CNTN6: variants seen among roughly 807,000 people sequenced by gnomAD.
CNTN6 encodes the protein contactin-6.
CNTN6 carries 137 observed loss-of-function variants against 122.8 expected under a neutral mutation model. The ratio of observed to expected loss-of-function variants is 1.12; its 90% CI spans 0.97 to 1.29. The LOEUF (loss-of-function observed/expected upper bound fraction) is 1.29, where lower values mean the gene tolerates loss of function less well. Among genes scored for constraint, CNTN6 ranks in the 50% most tolerant of loss-of-function variants. The pLI is 0.00. For missense variants in CNTN6, 1,634 were observed against 1,223.4 expected (o/e 1.34, Z -5.01); for synonymous variants, 570 against 426.0 (o/e 1.34, Z -4.16).
At chr3:1,285,834 G>C (rs1390326682) in intron 5 of CNTN6, among the ~76,000 whole-genome samples, 1 of 152,134 alleles carries the variant, frequency 6.6e-6, no homozygotes, top group African/African-American at 2.4e-5. Flanking sequence ...AATACAAGGA[G>C]ATAACAAGAG....
At chr3:1,396,195 C>T (rs1185313261) in intron 20 of CNTN6, among the ~76,000 whole-genome samples, 1 of 152,168 alleles carries the variant, frequency 6.6e-6, no homozygotes, top group Admixed American at 6.5e-5. Flanking sequence ...CCTCTTCTAG[C>T]CCTGACATCT....
intron 1 of CNTN6, among the ~76,000 whole-genome samples, chr3:1,125,331 T>G (rs1355456479): frequency 7.2e-5 from 11 of 151,930 alleles, no homozygotes; most frequent in African/African-American, 2.7e-4. Flanking sequence ...AACTAAATCT[T>G]GAATAAATTA....
intron 2 of CNTN6, among the ~76,000 whole-genome samples, chr3:1,202,563 TAAA>T (rs2093899169): frequency 1.4e-5 from 1 of 74,000 alleles, no homozygotes; most frequent in Non-Finnish European, 2.8e-5. Context: ...AATAAATAAA[TAAA>T]TAAATAAATA....
intron 12 of CNTN6, 128 bp from the exon 13 acceptor site, chr3:1,372,171 G>C (rs1341137518): frequency 1.7e-6 from 1 of 571,988 alleles, no homozygotes; most frequent in Non-Finnish European, 2.9e-6. Context: ...ATTTCATACT[G>C]GACATTGTAG....
At chr3:1,360,212 G>A (rs114796346) in intron 12 of CNTN6, among the ~76,000 whole-genome samples, 251 of 152,142 alleles carry the variant, frequency 1.6e-3, no homozygotes, top group African/African-American at 5.7e-3. Context: ...ATTTTGAGCC[G>A]TTACTGTGCT....
At chr3:1,384,159 A>G (rs1189793566) in intron 19 of CNTN6, among the ~76,000 whole-genome samples, 1 of 152,362 alleles carries the variant, frequency 6.6e-6, no homozygotes, top group East Asian at 1.9e-4. Flanking sequence ...GTGCACACAG[A>G]GTCAACAATT....
Position 1,315,720 on chromosome 3 carries a change from A to C in CNTN6, c.762-5930A>C, listed in dbSNP as rs1362119454. Reference sequence around the variant, plus strand: ...GGTACTAGATGATTAACCACGTTAAAGAAAAAGGTCCTCCACACCCACACA... The same window carrying C: ...GGTACTAGATGATTAACCACGTTAACGAAAAAGGTCCTCCACACCCACACA... On this transcript the variant is annotated intron_variant, in intron 7 of 22. Transcript: ENST00000446702. 2.0e-5 allele frequency among the ~76,000 whole-genome samples: 3 copies of C among 151,940 alleles called. No homozygotes were observed. In the East Asian group the frequency reaches 5.8e-4, roughly 29 times the overall value.
intron 7 of CNTN6, among the ~76,000 whole-genome samples, chr3:1,312,140 G>C (rs1465813730): frequency 6.6e-6 from 1 of 151,966 alleles, no homozygotes; most frequent in Admixed American, 6.6e-5. Flanking sequence ...TCAAAGACCA[G>C]GGACCTGCCC....
At chr3:1,344,761 T>A (rs1284609381) in intron 11 of CNTN6, among the ~76,000 whole-genome samples, 1 of 152,204 alleles carries the variant, frequency 6.6e-6, no homozygotes, top group Non-Finnish European at 1.5e-5. Context: ...GAGATGAATA[T>A]AATATTTAAC....
At chr3:1,104,652 TTTA>T (rs1195036582) in intron 1 of CNTN6, among the ~76,000 whole-genome samples, 1 of 152,154 alleles carries the variant, frequency 6.6e-6, no homozygotes, top group Non-Finnish European at 1.5e-5. Context: ...ATCATATATG[TTTA>T]TTATTACAAA....
chr3:1,387,800 C>CGGA (rs1467131669), intron 20 of CNTN6, among the ~76,000 whole-genome samples: 6 of 152,156 alleles, frequency 3.9e-5, no homozygotes, highest in Non-Finnish European at 8.8e-5. Flanking sequence ...AAAGGGGTGA[C>CGGA]GGACGCACCT....
At chr3:1,178,409 A>C (rs986774432) in intron 2 of CNTN6, among the ~76,000 whole-genome samples, 11 of 152,090 alleles carry the variant, frequency 7.2e-5, no homozygotes, top group African/African-American at 2.7e-4. Flanking sequence ...TATGTTTTCC[A>C]TTCCTAGATT....
At chr3:1,248,372 C>G (rs1372304944) in intron 4 of CNTN6, among the ~76,000 whole-genome samples, 1 of 152,170 alleles carries the variant, frequency 6.6e-6, no homozygotes, top group African/African-American at 2.4e-5. Context: ...TTAGTTGTAT[C>G]TTCCTCAAAG....
intron 4 of CNTN6, among the ~76,000 whole-genome samples, chr3:1,262,784 A>G (rs778564858): frequency 9.9e-5 from 15 of 152,236 alleles, no homozygotes; most frequent in Non-Finnish European, 1.6e-4. Flanking sequence ...TTAGCATTTC[A>G]TGTGTAAAAT....
intron 12 of CNTN6, among the ~76,000 whole-genome samples, chr3:1,366,523 G>T (rs1175110373): frequency 6.6e-6 from 1 of 152,118 alleles, no homozygotes; most frequent in Non-Finnish European, 1.5e-5. Context: ...AGAATTTAAG[G>T]TGTATTTGAT....
intron 1 of CNTN6, among the ~76,000 whole-genome samples, chr3:1,113,361 G>A (rs972909430): frequency 6.6e-6 from 1 of 152,154 alleles, no homozygotes; most frequent in Non-Finnish European, 1.5e-5. Context: ...AGAGGCATAT[G>A]TATATTTTTC....
intron 4 of CNTN6, among the ~76,000 whole-genome samples, chr3:1,244,572 G>A (rs2094533130): frequency 6.6e-6 from 1 of 152,190 alleles, no homozygotes; most frequent in Non-Finnish European, 1.5e-5. Context: ...AGGAGGACGG[G>A]GGATTGATCT....
intron 1 of CNTN6, among the ~76,000 whole-genome samples, chr3:1,102,098 A>T (rs893799432): frequency 6.6e-6 from 1 of 152,204 alleles, no homozygotes; most frequent in Non-Finnish European, 1.5e-5. Flanking sequence ...GTAATTTATC[A>T]TTCATGCATG....
chr3:1,245,546 G>T (rs73002336), intron 4 of CNTN6, among the ~76,000 whole-genome samples: 8,900 of 149,574 alleles, frequency 0.06, 351 homozygotes, highest in East Asian at 0.14. Flanking sequence ...AAAGGGTGGG[G>T]GTTGGTGAGG....
Sources: allele counts gnomAD v4.1 joint callset (sites outside exome capture counted in the v4.1 genomes callset), GRCh38; gene constraint gnomAD v4.1.1; transcripts MANE v1.5; gene names NCBI Gene and HGNC (gene_info 2026-07-23, HGNC 2026-07-21).